Variants in ABCA5 observed in about 807,000 individuals in gnomAD.
The protein encoded by ABCA5 is cholesterol transporter ABCA5.
Under a neutral mutation model 206.0 loss-of-function variants are expected in ABCA5, and 163 were observed. The ratio of observed to expected loss-of-function variants is 0.79; its 90% confidence interval spans 0.70 to 0.90. ABCA5 has a LOEUF of 0.90. ABCA5 is among the 40% of genes least tolerant of loss of function. ABCA5 has a pLI of 0.00. For missense variants in ABCA5, 1,859 were observed against 1,912.9 expected, an observed-to-expected ratio of 0.97 and a Z score of 0.53; for synonymous variants, 609 against 613.8, an observed-to-expected ratio of 0.99 and a Z score of 0.11.
At chr17:69,282,897 A>T (rs2075410716) in intron 18 of ABCA5, among the ~76,000 whole-genome samples, 1 of 151,712 alleles carries the variant, frequency 6.6e-6, no homozygotes, top group South Asian at 2.1e-4. Context: ...TCTTCATTCC[A>T]ACTTCTCCTG....
At position 69,302,838 on chromosome 17, in the gene ABCA5, A is replaced by G. The variant is rs1019695144; in HGVS notation, c.999T>C (p.Phe333=). The change falls in exon 8 of 39, where the codon TTT becomes TTC. Residue 333 remains phenylalanine (F), a synonymous_variant. Transcript: ENST00000392676. ...KSKHVGIVEF[F]VTVAFGFIGL... ...CAATAAATCCAAAAGCCACAGTAAC[A>G]AAAAATTCAACTATTCCCACATGTT... 1 of 1,593,478 alleles carries G rather than the reference A, an allele frequency of 6.3e-7. No individual in the cohort carries two copies. Among genetic ancestry groups the G allele is most frequent in the Non-Finnish European group, 8.5e-7 (1 of 1,174,354 alleles).
At chr17:69,289,411 G>C (rs1235110586) in intron 13 of ABCA5, 115 bp from the exon 14 acceptor site, 3 of 836,602 alleles carry the variant, frequency 3.6e-6, no homozygotes, top group African/African-American at 1.8e-5. Flanking sequence ...AAGTAACATA[G>C]GTTTTTAAAT....
intron 3 of ABCA5, among the ~76,000 whole-genome samples, chr17:69,311,522 G>C (rs1244485427): frequency 6.6e-6 from 1 of 151,784 alleles, no homozygotes; most frequent in Non-Finnish European, 1.5e-5. Flanking sequence ...ATTGAGTGTT[G>C]CTCTGTCGCC....
In ABCA5 at chr17:69,289,183, G is replaced by T. The variant is rs2075496969; in HGVS notation, c.1896C>A (p.Asn632Lys). Reference sequence around the variant, plus strand: ...AAAAGTAATATTTATTTACCTTTGGGTTCCCAAGAACAGCAATTCCTAATG... The same window carrying T: ...AAAAGTAATATTTATTTACCTTTGGTTTCCCAAGAACAGCAATTCCTAATG... Reference protein sequence around the residue: ...KLSLGIAVLGNPKILLLDEPT... With the variant: ...KLSLGIAVLGKPKILLLDEPT... Residue 632 changes from asparagine to lysine, a missense_variant, in exon 14 of 39, where the codon AAC becomes AAA. Transcript: ENST00000392676. 4 of 1,596,580 alleles carry T rather than the reference G, an allele frequency of 2.5e-6. No individual in the cohort carries two copies. Among genetic ancestry groups the T allele is most frequent in the Non-Finnish European group, 2.6e-6 (3 of 1,174,864 alleles).
chr17:69,263,474 A>G (rs898424992), intron 24 of ABCA5, among the ~76,000 whole-genome samples: 2 of 152,086 alleles, frequency 1.3e-5, no homozygotes, highest in African/African-American at 4.8e-5. Context: ...AGCACCATTT[A>G]TTGAACACAG....
In ABCA5 at chr17:69,304,800, C is replaced by A; in HGVS notation, c.799G>T (p.Val267Phe). The A allele has an allele frequency of 1.3e-6, 2 of 1,591,620 alleles. No homozygotes were observed. Among genetic ancestry groups the A allele is most frequent in the South Asian group, 1.2e-5 (1 of 86,444 alleles). Residue 267 changes from valine to phenylalanine, a missense_variant, in exon 7 of 39, where the codon GTT becomes TTT. Val to Phe is a conservative substitution (Grantham distance 50, BLOSUM62 -1). Transcript: ENST00000392676. The stretch of plus-strand genomic sequence containing the variant: ...AAAATTAAACTTGTATATAGAAGAA[C>A]CCAGGAAAGCCTAAAATGAGAATAC... ...LHDTAFWLSW[V>F]LLYTSLIFLM...
At chr17:69,282,945 C>T (rs1243118143) in intron 18 of ABCA5, among the ~76,000 whole-genome samples, 1 of 150,588 alleles carries the variant, frequency 6.6e-6, no homozygotes, top group Non-Finnish European at 1.5e-5. Context: ...CTCATCACCA[C>T]TACCACCAGT....
chr17:69,257,353 CA>C lies in ABCA5; in HGVS notation c.3732-1071del, dbSNP rs542087331. ...TGGGTGACAGAGTGAGATTCCATCT[CA>C]AAAAAAAAAAAAAAAAGAAAAATGT... On this transcript the variant is annotated intron_variant, in intron 28 of 38. Coordinates refer to ENST00000392676, the MANE Select transcript of ABCA5 (RefSeq NM_172232.4). 6.0e-3 allele frequency among the ~76,000 whole-genome samples: 328 copies of C among 54,922 alleles called. 1 individual carries two copies. Among genetic ancestry groups the C allele is most frequent in the African/African-American group, 0.015 (232 of 15,242 alleles). The allele number at this position is 54,922 out of a possible 152,430, so 36.0% of individuals were successfully genotyped here.
At chr17:69,264,999 T>A (rs368839217) in intron 23 of ABCA5, 94 bp from the exon 24 acceptor site, 5 of 878,138 alleles carry the variant, frequency 5.7e-6, no homozygotes, top group South Asian at 3.7e-5. Flanking sequence ...TAATTTTACA[T>A]CAGCAAAACC....
At chr17:69,247,730 C>A in intron 38 of ABCA5, 86 bp from the exon 39 acceptor site, 1 of 655,770 alleles carries the variant, frequency 1.5e-6, no homozygotes, top group Non-Finnish European at 2.6e-6. Flanking sequence ...TGGTACAAGG[C>A]TATATCTAGT....
intron 9 of ABCA5, 45 bp from the exon 10 acceptor site, chr17:69,297,404 T>C: frequency 2.0e-6 from 3 of 1,530,914 alleles, no homozygotes; most frequent in Non-Finnish European, 2.6e-6. Flanking sequence ...AATTAGTTTT[T>C]AAATCATAAA....
chr17:69,302,714 C>A lies in ABCA5; in HGVS notation c.1119+4G>T. 1 of 1,504,866 alleles carries A rather than the reference C, an allele frequency of 6.6e-7. No individual in the cohort carries two copies. Among genetic ancestry groups the A allele is most frequent in the Non-Finnish European group, 8.8e-7 (1 of 1,133,996 alleles). The allele number at this position is 1,504,866 out of a possible 1,614,324, so 93.2% of individuals were successfully genotyped here. On this transcript the variant is annotated splice_donor_region_variant and intron_variant, in intron 8 of 38. Coordinates refer to ENST00000392676, the MANE Select transcript of ABCA5 (RefSeq NM_172232.4). Reference sequence around the variant, plus strand: ...AGTGAATGCAAGATTAATATATTACCTACCTGTGCAATACCAATCACAAAA... The same window carrying A: ...AGTGAATGCAAGATTAATATATTACATACCTGTGCAATACCAATCACAAAA...
rs562061912 is a variant in ABCA5 at position 69,290,299 on chromosome 17, T to C, written c.1607-262A>G. Among the ~76,000 whole-genome samples, 3 of 152,238 alleles carry C rather than the reference T, an allele frequency of 2.0e-5. No individual in the cohort carries two copies. The East Asian group carries it at 5.8e-4, about 29-fold the overall frequency. ...AAGCTTGACACTAAACATAAATATCTATTGATACACTATTTACACTTGTAT... is the reference window on the plus strand; with the variant it reads ...AAGCTTGACACTAAACATAAATATCCATTGATACACTATTTACACTTGTAT... On this transcript the variant is annotated intron_variant, in intron 12 of 38. Transcript: ENST00000392676.
intron 12 of ABCA5, among the ~76,000 whole-genome samples, chr17:69,290,835 A>G (rs1425700736): frequency 6.6e-6 from 1 of 152,108 alleles, no homozygotes; most frequent in Non-Finnish European, 1.5e-5. Context: ...ATGAACATTT[A>G]CAATTATTTC....
intron 28 of ABCA5, 43 bp from the exon 29 acceptor site, chr17:69,256,326 T>C (rs1265545210): frequency 7.6e-7 from 1 of 1,308,848 alleles, no homozygotes. Flanking sequence ...GGTTTTCAAA[T>C]AATTAAAATA....
chr17:69,314,725 A>C lies in ABCA5; in HGVS notation c.-15-295T>G, dbSNP rs920418351. The C allele has an allele frequency of 3.8e-5, 9 of 238,500 alleles. No individual in the cohort carries two copies. In the South Asian group the frequency reaches 4.4e-4, roughly 12 times the overall value. 14.8% of individuals were successfully genotyped at this position (238,500 alleles called of 1,614,324 possible). On this transcript the variant is annotated intron_variant, in intron 1 of 38. Coordinates refer to ENST00000392676, the MANE Select transcript of ABCA5 (RefSeq NM_172232.4). Reference sequence around the variant, plus strand: ...CCGCCCACAGAGGCAGCTCCAGAAGAAGCCTTAGCTTTGAATTGAGGAATG... The same window carrying C: ...CCGCCCACAGAGGCAGCTCCAGAAGCAGCCTTAGCTTTGAATTGAGGAATG...
intron 7 of ABCA5, among the ~76,000 whole-genome samples, chr17:69,303,804 A>G (rs1333389340): frequency 1.4e-4 from 1 of 7,112 alleles, no homozygotes. Context: ...ATATATATAT[A>G]TATACATACA....
intron 9 of ABCA5, among the ~76,000 whole-genome samples, chr17:69,298,966 C>A (rs532424889): frequency 6.6e-6 from 1 of 152,150 alleles, no homozygotes; most frequent in East Asian, 1.9e-4. Context: ...TCACTCAAAT[C>A]AGCAAGAACA....
At chr17:69,247,741 T>C (rs1006358723) in intron 38 of ABCA5, 97 bp from the exon 39 acceptor site, 3 of 584,898 alleles carry the variant, frequency 5.1e-6, no homozygotes, top group Admixed American at 6.4e-5. Context: ...TATATCTAGT[T>C]ATATCAACAA....
Sources: allele counts gnomAD v4.1 joint callset (sites outside exome capture counted in the v4.1 genomes callset), GRCh38; gene constraint gnomAD v4.1.1; transcripts MANE v1.5; gene names NCBI Gene and HGNC (gene_info 2026-07-23, HGNC 2026-07-21).